Variants in BICC1 observed in about 807,000 individuals in gnomAD.
BICC1 encodes the protein BicC family RNA binding protein 1.
BICC1 carries 43 observed loss-of-function variants against 111.0 expected under a neutral mutation model. That is an observed-to-expected ratio of 0.39 (90% CI 0.30 to 0.50). The LOEUF (loss-of-function observed/expected upper bound fraction) is 0.50, where lower values mean the gene tolerates loss of function less well. Ranked by LOEUF, BICC1 falls within the 20% of genes least tolerant of loss-of-function variation. The probability of loss-of-function intolerance (pLI) is 0.88; values close to 1 mark genes in which losing one functional copy is unlikely to be tolerated. For synonymous variants in BICC1, 467 were observed against 434.4 expected, an observed-to-expected ratio of 1.07 and a Z score of -0.93; for missense variants, 1,091 against 1,203.2, an observed-to-expected ratio of 0.91 and a Z score of 1.38.
At chr10:58,637,343 T>C (rs1837981317) in intron 2 of BICC1, among the ~76,000 whole-genome samples, 1 of 152,248 alleles carries the variant, frequency 6.6e-6, no homozygotes, top group African/African-American at 2.4e-5. Context: ...TAGATGAGGT[T>C]TGCTACCAAT....
chr10:58,653,438 A>C (rs1838515885), intron 2 of BICC1, among the ~76,000 whole-genome samples: 1 of 152,144 alleles, frequency 6.6e-6, no homozygotes. Flanking sequence ...GTGGACACCA[A>C]AGACAGTCAC....
intron 1 of BICC1, among the ~76,000 whole-genome samples, chr10:58,532,770 G>A (rs1842715594): frequency 6.6e-6 from 1 of 151,822 alleles, no homozygotes; most frequent in South Asian, 2.1e-4. Context: ...CACTCAATGG[G>A]TGCCAAAACT....
chr10:58,732,094 C>A lies in BICC1; in HGVS notation c.307+29951C>A, dbSNP rs998137121. Among the ~76,000 whole-genome samples the A allele has an allele frequency of 5.9e-5, 9 of 152,134 alleles. No individual in the cohort carries two copies. The East Asian group carries it at 1.4e-3, about 23-fold the overall frequency. On this transcript the variant is annotated intron_variant, in intron 3 of 20. Transcript: ENST00000373886. ...TTGGCCTGTTTTGGCTTTCAACATG[C>A]CTTGTTTACTAAGCTTAATCATTTC...
At chr10:58,642,985 T>A (rs1463789729) in intron 2 of BICC1, among the ~76,000 whole-genome samples, 1 of 152,224 alleles carries the variant, frequency 6.6e-6, no homozygotes, top group Non-Finnish European at 1.5e-5. Flanking sequence ...ATTACAGGCA[T>A]GAGCCACTGC....
intron 3 of BICC1, chr10:58,715,463 G>C (rs2132500758): frequency 2.7e-6 from 2 of 740,516 alleles, no homozygotes; most frequent in Admixed American, 4.0e-5. Context: ...GCAGAGTGGG[G>C]AGGCGGCAAG....
At chr10:58,651,591 A>G (rs1336245341) in intron 2 of BICC1, among the ~76,000 whole-genome samples, 2 of 152,040 alleles carry the variant, frequency 1.3e-5, no homozygotes, top group African/African-American at 4.8e-5. Flanking sequence ...TTATTTCCCT[A>G]TCCTGATTTT....
Position 58,789,354 on chromosome 10 carries a change from A to G in BICC1, c.693A>G (p.Ile231Met). 6.2e-7 allele frequency: 1 copy of G among 1,614,066 alleles called. No individual in the cohort carries two copies. Among genetic ancestry groups the G allele is most frequent in the Non-Finnish European group, 8.5e-7 (1 of 1,179,974 alleles). The change falls in exon 7 of 21, where the codon ATA becomes ATG. Residue 231 changes from isoleucine to methionine, a missense_variant. Ile to Met is a conservative substitution (Grantham distance 10, BLOSUM62 1). Around this residue, in one of 3 missense-constraint regions of BICC1, gnomAD observed 843 missense variants for 900.8 expected, o/e 0.94. Transcript: ENST00000373886. The part of the protein sequence containing the change: ...PDPNSPSIQH[I>M]SQTYNISVSF... ...CTAATTCCCCCTCTATTCAGCATAT[A>G]TCACAAACGTACAATATTTCAGTAT...
Position 58,620,916 on chromosome 10 carries a change from A to C in BICC1, c.237+15A>C, listed in dbSNP as rs779524714. On this transcript the variant is annotated intron_variant, in intron 2 of 20. Transcript: ENST00000373886. ...TTTTTCAAAAGGTAAGTTGTCTTTTACTCTTGTCATGGTGATAAGTAAGAG... is the reference window on the plus strand; with the variant it reads ...TTTTTCAAAAGGTAAGTTGTCTTTTCCTCTTGTCATGGTGATAAGTAAGAG... 2 of 1,611,498 alleles carry C rather than the reference A, an allele frequency of 1.2e-6. No individual in the cohort carries two copies. The highest frequency in any genetic ancestry group is 2.2e-5 in the South Asian group (2 of 90,892).
At chr10:58,722,277 T>G (rs1840962516) in intron 3 of BICC1, among the ~76,000 whole-genome samples, 1 of 152,218 alleles carries the variant, frequency 6.6e-6, no homozygotes, top group Admixed American at 6.5e-5. Flanking sequence ...TACATTCTCT[T>G]AGGAAATGAA....
chr10:58,620,963 C>A, intron 2 of BICC1, 62 bp downstream of exon 2: 5 of 1,482,610 alleles, frequency 3.4e-6, no homozygotes, highest in Non-Finnish European at 4.7e-6. Context: ...ATCTCAACAG[C>A]TACCCTAGAA....
chr10:58,615,767 A>C (rs1306991247), intron 1 of BICC1, among the ~76,000 whole-genome samples: 1 of 152,182 alleles, frequency 6.6e-6, no homozygotes, highest in Non-Finnish European at 1.5e-5. Context: ...TGTGACTGCA[A>C]CATGAGTTAT....
intron 3 of BICC1, among the ~76,000 whole-genome samples, chr10:58,743,973 C>T (rs1301389770): frequency 6.6e-6 from 1 of 152,014 alleles, no homozygotes; most frequent in Non-Finnish European, 1.5e-5. Context: ...CGAGTATCAT[C>T]TTTGCTGTGA....
chr10:58,516,568 A>C (rs1842248278), intron 1 of BICC1, among the ~76,000 whole-genome samples: 1 of 152,136 alleles, frequency 6.6e-6, no homozygotes, highest in African/African-American at 2.4e-5. Context: ...TTTTTGCTGT[A>C]AGTGAAGATT....
chr10:58,587,461 C>T (rs1399885021), intron 1 of BICC1, among the ~76,000 whole-genome samples: 3 of 152,090 alleles, frequency 2.0e-5, no homozygotes, highest in Non-Finnish European at 4.4e-5. Context: ...AGATATTTTC[C>T]AGTGTAGGAC....
chr10:58,588,470 G>A (rs1463416227), intron 1 of BICC1, among the ~76,000 whole-genome samples: 1 of 152,182 alleles, frequency 6.6e-6, no homozygotes, highest in African/African-American at 2.4e-5. Flanking sequence ...AACTGTGTTA[G>A]AGCTGCTTCT....
intron 2 of BICC1, among the ~76,000 whole-genome samples, chr10:58,635,637 C>T (rs1338508291): frequency 6.6e-6 from 1 of 152,160 alleles, no homozygotes; most frequent in Non-Finnish European, 1.5e-5. Context: ...CATTGCCTTC[C>T]AGGTAAAATT....
intron 3 of BICC1, among the ~76,000 whole-genome samples, chr10:58,779,361 C>T (rs1842826694): frequency 6.6e-6 from 1 of 152,170 alleles, no homozygotes; most frequent in Admixed American, 6.5e-5. Flanking sequence ...GTGAACACTG[C>T]CTTTCATCCA....
At chr10:58,779,104 A>G (rs779237528) in intron 3 of BICC1, among the ~76,000 whole-genome samples, 28 of 152,350 alleles carry the variant, frequency 1.8e-4, no homozygotes, top group Non-Finnish European at 4.1e-4. Context: ...TTTAAAAAAG[A>G]AAGTCAATTT....
Position 58,620,849 on chromosome 10 carries a change from T to C in BICC1, c.191-6T>C, listed in dbSNP as rs375627858. ...GTATTTTAAATGTGCACATTTTTAT[T>C]TACAGCTGCTGCTGAAGGGAAAGGC... On this transcript the variant is annotated splice_polypyrimidine_tract_variant and splice_region_variant and intron_variant, in intron 1 of 20. Transcript: ENST00000373886. The C allele has an allele frequency of 1.2e-6, 2 of 1,611,900 alleles. No individual in the cohort carries two copies. The highest frequency in any genetic ancestry group is 2.7e-5 in the African/African-American group (2 of 74,860).
Sources: allele counts gnomAD v4.1 joint callset (sites outside exome capture counted in the v4.1 genomes callset), GRCh38; gene constraint gnomAD v4.1.1; regional missense constraint gnomAD v4.1.1; transcripts MANE v1.5; gene names NCBI Gene and HGNC (gene_info 2026-07-23, HGNC 2026-07-21).